Variants in ZNF799 observed in about 807,000 individuals in gnomAD.
ZNF799 encodes zinc finger protein 799.
In ZNF799, 28 loss-of-function variants were observed where a neutral mutation model predicts 41.0. That is an observed-to-expected ratio of 0.68 (90% CI 0.51 to 0.94). ZNF799 has a LOEUF of 0.94. Among genes scored for constraint, ZNF799 ranks in the 40% least tolerant of loss-of-function variants. The pLI, the probability that ZNF799 is intolerant of heterozygous loss-of-function variation, is 0.00. For missense variants in ZNF799, 716 were observed against 764.3 expected (o/e 0.94, Z 0.74); for synonymous variants, 213 against 252.9 (o/e 0.84, Z 1.50).
chr19:12,410,777 T>C, the ZNF799 span, among the ~76,000 whole-genome samples: 4 of 152,076 alleles, frequency 2.6e-5, no homozygotes, highest in African/African-American at 4.8e-5. Context: ...AAAGTGACCA[T>C]AAGGGACTAT....
chr19:12,390,355 T>C lies in ZNF799; in HGVS notation c.*111A>G. On this transcript the variant is annotated 3_prime_UTR_variant, in exon 4 of 4. Transcript: ENST00000430385. Reference sequence around the variant, plus strand: ...AAGAAACTGAAATTACTTAAGGTTTTACCAAGTGCTTACATTCACAGGGTC... The same window carrying C: ...AAGAAACTGAAATTACTTAAGGTTTCACCAAGTGCTTACATTCACAGGGTC... The C allele has an allele frequency of 4.4e-6, 7 of 1,581,632 alleles. No individual in the cohort carries two copies. Among genetic ancestry groups the C allele is most frequent in the Non-Finnish European group, 6.0e-6 (7 of 1,164,050 alleles).
chr19:12,409,243 C>T, the ZNF799 span, among the ~76,000 whole-genome samples: 1 of 152,082 alleles, frequency 6.6e-6, no homozygotes, highest in East Asian at 1.9e-4. Context: ...ACAGGGTTCG[C>T]GCTCCTATGA....
chr19:12,413,555 A>G, the ZNF799 span, among the ~76,000 whole-genome samples: 1 of 152,244 alleles, frequency 6.6e-6, no homozygotes, highest in Non-Finnish European at 1.5e-5. Flanking sequence ...AAACCAATAT[A>G]TACTCATATG....
the ZNF799 span, among the ~76,000 whole-genome samples, chr19:12,411,195 A>T: frequency 6.6e-6 from 1 of 152,168 alleles, no homozygotes. Flanking sequence ...CATCTGCTTG[A>T]ACTTGGAAAC....
the ZNF799 span, among the ~76,000 whole-genome samples, chr19:12,411,860 G>A: frequency 1.3e-5 from 2 of 152,074 alleles, no homozygotes; most frequent in Admixed American, 6.6e-5. Context: ...TGATCTGCCA[G>A]CCTCAGCCTC....
At chr19:12,403,887 A>G (rs1970013974), upstream of ZNF799, among the ~76,000 whole-genome samples, 1 of 152,084 alleles carries the variant, frequency 6.6e-6, no homozygotes, top group South Asian at 2.1e-4. Context: ...AGGTGCTTAT[A>G]TCTATAAACT....
chr19:12,409,038 GA>G, the ZNF799 span, among the ~76,000 whole-genome samples: 1,359 of 142,596 alleles, frequency 9.5e-3, 12 homozygotes, highest in African/African-American at 0.028. Flanking sequence ...TCCACCTCAA[GA>G]AAAAAAAAAA....
the ZNF799 span, among the ~76,000 whole-genome samples, chr19:12,408,147 C>T: frequency 1.3e-5 from 2 of 150,394 alleles, no homozygotes; most frequent in African/African-American, 2.4e-5. Flanking sequence ...GACCCTGTCT[C>T]AAAAACAAAA....
the ZNF799 span, among the ~76,000 whole-genome samples, chr19:12,414,767 A>AC: frequency 2.6e-5 from 4 of 152,168 alleles, no homozygotes; most frequent in South Asian, 6.2e-4. Context: ...AGCCTGCTGA[A>AC]CCCACAGTTC....
the ZNF799 span, among the ~76,000 whole-genome samples, chr19:12,414,021 C>T: frequency 9.2e-5 from 14 of 152,296 alleles, no homozygotes; most frequent in African/African-American, 3.4e-4. Context: ...TGTGCGGGTC[C>T]CAGTGTGCCA....
At chr19:12,392,508 C>T (rs1599605845) in intron 3 of ZNF799, 95 bp downstream of exon 3, 13 of 1,222,474 alleles carry the variant, frequency 1.1e-5, no homozygotes, top group Non-Finnish European at 1.5e-5. Flanking sequence ...TAAATTTAAG[C>T]TAGGCTTGTT....
At chr19:12,401,378 G>T, upstream of ZNF799, 1 of 716,366 alleles carries the variant, frequency 1.4e-6, no homozygotes. Context: ...AGTGGAGCCA[G>T]ATGAGCAAGT....
chr19:12,394,899 A>C, intron 1 of ZNF799: 1 of 980,098 alleles, frequency 1.0e-6, no homozygotes, highest in Non-Finnish European at 1.2e-6. Context: ...CTATTAACAG[A>C]GAGATAAATA....
chr19:12,395,445 G>C (rs1352333339), intron 1 of ZNF799, among the ~76,000 whole-genome samples: 3 of 152,004 alleles, frequency 2.0e-5, no homozygotes, highest in African/African-American at 4.8e-5. Context: ...CCCAGCCAAG[G>C]CCCTCTCTTC....
chr19:12,392,823 CATAT>C (rs1192869635), intron 2 of ZNF799, among the ~76,000 whole-genome samples, 160 bp from the exon 3 acceptor site: 2 of 151,822 alleles, frequency 1.3e-5, no homozygotes, highest in African/African-American at 4.8e-5. Flanking sequence ...TTTGTATATA[CATAT>C]ATATATGAAT....
chr19:12,391,304 T>C lies in ZNF799; in HGVS notation c.1094A>G (p.Tyr365Cys), dbSNP rs1224208023. Residue 365 changes from tyrosine (Y) to cysteine (C), a missense_variant, in exon 4 of 4, where the codon TAT becomes TGT. This residue lies in a region of ZNF799 where 698 missense variants were observed against 713.6 expected (regional missense o/e 0.98). Coordinates refer to ENST00000430385, the MANE Select transcript of ZNF799 (RefSeq NM_001080821.3). ...HERTHTGEKLYECKQCGKALS... is the reference protein window; with the variant it reads ...HERTHTGEKLCECKQCGKALS... ...CGCTTTCCCACACTGCTTGCATTCATAGAGTTTCTCTCCAGTGTGAGTTCT... is the reference window on the plus strand; with the variant it reads ...CGCTTTCCCACACTGCTTGCATTCACAGAGTTTCTCTCCAGTGTGAGTTCT... 2.5e-6 allele frequency: 4 copies of C among 1,614,094 alleles called. No individual in the cohort carries two copies. In the African/African-American group the frequency reaches 4.0e-5, roughly 16 times the overall value.
the ZNF799 span, among the ~76,000 whole-genome samples, chr19:12,414,006 C>T: frequency 2.0e-5 from 3 of 152,202 alleles, no homozygotes; most frequent in East Asian, 1.9e-4. Context: ...ACGGCTCCTG[C>T]GGCCTGTGCG....
the ZNF799 span, among the ~76,000 whole-genome samples, chr19:12,407,033 A>G: frequency 6.6e-6 from 1 of 152,248 alleles, no homozygotes; most frequent in African/African-American, 2.4e-5. Context: ...AAAAACATCT[A>G]AAATGAAGAC....
chr19:12,413,554 T>C, the ZNF799 span, among the ~76,000 whole-genome samples: 1 of 152,220 alleles, frequency 6.6e-6, no homozygotes, highest in African/African-American at 2.4e-5. Context: ...AAAACCAATA[T>C]ATACTCATAT....
Sources: gnomAD v4.1 joint callset for allele counts (sites outside exome capture counted in the v4.1 genomes callset) on GRCh38, gnomAD v4.1.1 for gene constraint, gnomAD v4.1.1 regional missense constraint, MANE v1.5 for transcripts, NCBI Gene and HGNC (gene_info 2026-07-23, HGNC 2026-07-21) for gene names.